STOX2: variants seen among roughly 807,000 people sequenced by gnomAD.
STOX2 encodes the protein storkhead-box protein 2.
Under a neutral mutation model 60.9 loss-of-function variants are expected in STOX2, and 28 were observed. The observed-to-expected ratio is 0.46, with a 90% CI of 0.34 to 0.63. The LOEUF is 0.63. Ranked by LOEUF, STOX2 falls within the 30% of genes least tolerant of loss-of-function variation. STOX2 has a pLI of 0.01. For missense variants in STOX2, 1,024 were observed against 1,187.7 expected (o/e 0.86, Z 2.03); for synonymous variants, 472 against 463.9 (o/e 1.02, Z -0.22).
At chr4:183,973,958 C>T (rs557591312) in intron 1 of STOX2, among the ~76,000 whole-genome samples, 23 of 152,296 alleles carry the variant, frequency 1.5e-4, no homozygotes, top group South Asian at 4.1e-4. Context: ...TGTGCCACTG[C>T]GCTCCAGCCT....
chr4:184,009,136 GTTTTTT>G lies in STOX2; in HGVS notation c.320-9_320-4del. 9.8e-6 allele frequency: 7 copies of G among 716,300 alleles called. No homozygotes were observed. The highest frequency in any genetic ancestry group is 1.5e-5 in the Non-Finnish European group (7 of 463,026). 44.4% of individuals were successfully genotyped at this position (716,300 alleles called of 1,614,324 possible). A position where few individuals can be genotyped will look rare whatever the true frequency, so the allele number is the denominator to read the frequency against. On this transcript the variant is annotated splice_polypyrimidine_tract_variant and intron_variant, in intron 2 of 3. Transcript: ENST00000308497. The surrounding 1 kb of genome is among the most constrained non-coding windows in gnomAD (Gnocchi z 4.0). ...TGTTCTGTCTTCATTCTCACAAGTG[GTTTTTT>G]TTTTTTTTTTTTCAGGTGTTCCAAC...
intron 2 of STOX2, among the ~76,000 whole-genome samples, chr4:184,006,262 A>T (rs1733820743): frequency 6.6e-6 from 1 of 152,204 alleles, no homozygotes; most frequent in Non-Finnish European, 1.5e-5. Flanking sequence ...CGAGTGTTTG[A>T]AAAAGTTTGT....
chr4:183,848,554 G>T (rs1488170797), intron 1 of STOX2, among the ~76,000 whole-genome samples: 1 of 152,138 alleles, frequency 6.6e-6, no homozygotes, highest in African/African-American at 2.4e-5. Flanking sequence ...TCCGAGAGAT[G>T]AAAGGAGCAG....
intron 1 of STOX2, among the ~76,000 whole-genome samples, chr4:183,993,912 G>C (rs1027839987): frequency 2.6e-5 from 4 of 152,228 alleles, no homozygotes; most frequent in African/African-American, 9.6e-5. Flanking sequence ...TGGTCTTCAA[G>C]AGAGCGCATA....
chr4:184,022,565 TGGG>T lies in STOX2; in HGVS notation c.*5283_*5285del, dbSNP rs1339155148. ...CACACACATCATGCCAAGGAGGGAA[TGGG>T]GTGTTTCAAGTCAGGCAGCGATGAT... On this transcript the variant is annotated 3_prime_UTR_variant, in exon 4 of 4. Transcript: ENST00000308497. 1 of 151,818 alleles carries T rather than the reference TGGG, an allele frequency of 6.6e-6. No homozygotes were observed. The highest frequency in any genetic ancestry group is 1.5e-5 in the Non-Finnish European group (1 of 67,986). 9.4% of individuals were successfully genotyped at this position (151,818 alleles called of 1,614,324 possible). A position where few individuals can be genotyped will look rare whatever the true frequency, so the allele number is the denominator to read the frequency against.
chr4:183,901,421 G>A (rs910962436), upstream of STOX2, among the ~76,000 whole-genome samples: 4 of 151,948 alleles, frequency 2.6e-5, no homozygotes, highest in African/African-American at 9.7e-5. Context: ...CTTCTTTTCG[G>A]GTATATCTAG....
intron 3 of STOX2, among the ~76,000 whole-genome samples, chr4:184,012,598 T>G (rs1032037468): frequency 2.0e-5 from 3 of 152,220 alleles, no homozygotes; most frequent in Admixed American, 6.5e-5. Flanking sequence ...ATTATTATTA[T>G]TATTATCATC....
rs1324083661 is a variant in STOX2 at position 183,806,421 on chromosome 4, C to T, written c.364+8366C>T. On this transcript the variant is annotated intron_variant, in intron 1 of 2. Coordinates refer to the STOX2 transcript ENST00000513034. This position sits in a 1 kb window ranked among gnomAD's most constrained non-coding sequence, Gnocchi z 4.1. ...TGAATCCGGGAGTCCCTGGAGCTCA[C>T]GGAGGGCTTCCTGGTGTCTTGAAGG... 1.3e-5 allele frequency among the ~76,000 whole-genome samples: 2 copies of T among 152,126 alleles called. No homozygotes were observed. The highest frequency in any genetic ancestry group is 2.9e-5 in the Non-Finnish European group (2 of 68,026).
At chr4:183,885,008 C>T (rs1741048577) in intron 1 of STOX2, among the ~76,000 whole-genome samples, 1 of 152,130 alleles carries the variant, frequency 6.6e-6, no homozygotes. Context: ...GACCTAACAG[C>T]GCAGAGACAT....
At chr4:183,881,853 C>A (rs1740967366) in intron 1 of STOX2, among the ~76,000 whole-genome samples, 1 of 152,208 alleles carries the variant, frequency 6.6e-6, no homozygotes, top group Non-Finnish European at 1.5e-5. Flanking sequence ...GGATAGTGAA[C>A]AGAATTATCA....
At chr4:183,906,978 T>A in intron 1 of STOX2, 22 bp downstream of exon 1, 1 of 1,509,524 alleles carries the variant, frequency 6.6e-7, no homozygotes, top group South Asian at 1.3e-5. Context: ...ACCGCGTTTC[T>A]GCCCCCGGGC....
chr4:183,804,261 G>A (rs1738833564), intron 1 of STOX2, among the ~76,000 whole-genome samples: 1 of 152,198 alleles, frequency 6.6e-6, no homozygotes, highest in African/African-American at 2.4e-5. Context: ...ATAGAGCCGG[G>A]ATGTGAACCC....
chr4:183,875,307 A>C (rs903756657), intron 1 of STOX2, among the ~76,000 whole-genome samples: 2 of 152,046 alleles, frequency 1.3e-5, no homozygotes, highest in African/African-American at 4.8e-5. Context: ...CAAGGCTTTC[A>C]TGGTAGGTGG....
chr4:183,875,752 A>G (rs570199673), intron 1 of STOX2, among the ~76,000 whole-genome samples: 1 of 152,306 alleles, frequency 6.6e-6, no homozygotes, highest in African/African-American at 2.4e-5. Context: ...TGTTGCTATT[A>G]TTGGAGACAG....
In STOX2 at chr4:184,010,666, G is replaced by C. The variant is rs372167045; in HGVS notation, c.1828G>C (p.Val610Leu). 95 of 1,613,810 alleles carry C rather than the reference G, an allele frequency of 5.9e-5. No individual in the cohort carries two copies. The highest frequency in any genetic ancestry group is 7.9e-5 in the Non-Finnish European group (93 of 1,179,872). ...YFQCNTSSET[V>L]LTAPSPLGKN... ...CCAGTGCAACACCTCTAGTGAGACG[G>C]TGCTCACGGCACCATCACCTCTGGG... Residue 610 changes from valine (V) to leucine (L), a missense_variant, in exon 3 of 4, where the codon GTG becomes CTG. Val to Leu is a conservative substitution (Grantham distance 32, BLOSUM62 1). Coordinates refer to ENST00000308497, the MANE Select transcript of STOX2 (RefSeq NM_020225.3). The surrounding 1 kb of genome is among the most constrained non-coding windows in gnomAD (Gnocchi z 4.5).
intron 1 of STOX2, among the ~76,000 whole-genome samples, chr4:183,834,041 G>A (rs959684005): frequency 1.3e-5 from 2 of 151,222 alleles, no homozygotes; most frequent in African/African-American, 4.9e-5. Flanking sequence ...AGGCATGAGT[G>A]TATTTCTCCT....
chr4:183,999,351 G>T (rs1733485598), intron 1 of STOX2, among the ~76,000 whole-genome samples: 1 of 152,174 alleles, frequency 6.6e-6, no homozygotes, highest in Admixed American at 6.5e-5. Context: ...GAATTTTTCT[G>T]AGGGTGTCTC....
chr4:183,958,287 A>G (rs1270844670), intron 1 of STOX2, among the ~76,000 whole-genome samples: 4 of 152,170 alleles, frequency 2.6e-5, no homozygotes, highest in African/African-American at 9.7e-5. Flanking sequence ...TAGGAGAAAT[A>G]TACATATAAA....
chr4:183,939,072 C>T (rs1021702360), intron 1 of STOX2, among the ~76,000 whole-genome samples: 2 of 152,194 alleles, frequency 1.3e-5, no homozygotes, highest in Admixed American at 1.3e-4. Flanking sequence ...TAAAAGCTAT[C>T]GGTAGCTAAC....
Sources: gnomAD v4.1 joint callset for allele counts (sites outside exome capture counted in the v4.1 genomes callset) on GRCh38, gnomAD v4.1.1 for gene constraint, Gnocchi (gnomAD v3.1) non-coding constraint, MANE v1.5 for transcripts, NCBI Gene and HGNC (gene_info 2026-07-23, HGNC 2026-07-21) for gene names.